RBPJ: variants seen among roughly 807,000 people sequenced by gnomAD.
RBPJ encodes recombination signal binding protein for immunoglobulin kappa J region.
Under a neutral mutation model 67.8 loss-of-function variants are expected in RBPJ, and 9 were observed. That is an observed-to-expected ratio of 0.13 (90% confidence interval 0.08 to 0.23). The LOEUF (loss-of-function observed/expected upper bound fraction) is 0.23, where lower values mean the gene tolerates loss of function less well. RBPJ is among the 10% of genes least tolerant of loss of function. The pLI, the probability that RBPJ is intolerant of heterozygous loss-of-function variation, is 1.00. For missense variants in RBPJ, 305 were observed against 595.6 expected (o/e 0.51, Z 5.08); for synonymous variants, 198 against 203.3 (o/e 0.97, Z 0.22).
intron 1 of RBPJ, among the ~76,000 whole-genome samples, chr4:26,210,715 CCTT>C (rs1718368233): frequency 1.1e-5 from 1 of 93,242 alleles, no homozygotes; most frequent in African/African-American, 4.1e-5. Context: ...TTCCTTCTTT[CCTT>C]CTTTCTTTCC....
chr4:26,239,815 G>T (rs1174436972), intron 1 of RBPJ, among the ~76,000 whole-genome samples: 1 of 152,124 alleles, frequency 6.6e-6, no homozygotes, highest in Non-Finnish European at 1.5e-5. Context: ...AAGTCCCCTT[G>T]TTTCAGTGAT....
intron 1 of RBPJ, among the ~76,000 whole-genome samples, chr4:26,216,963 T>C (rs1171589814): frequency 5.9e-5 from 9 of 151,974 alleles, no homozygotes; most frequent in South Asian, 2.1e-4. Flanking sequence ...AGGTGTGTCT[T>C]TGAAAAAAAT....
chr4:26,315,725 T>C (rs1347089638), upstream of RBPJ, among the ~76,000 whole-genome samples: 2 of 152,040 alleles, frequency 1.3e-5, no homozygotes, highest in Non-Finnish European at 2.9e-5. Context: ...GACCAGGGCA[T>C]ATTTGAGTCC....
intron 1 of RBPJ, among the ~76,000 whole-genome samples, chr4:26,291,072 T>C (rs1721651561): frequency 6.6e-6 from 1 of 150,936 alleles, no homozygotes; most frequent in African/African-American, 2.4e-5. Context: ...CTATAATACC[T>C]GCTTCAGAAG....
chr4:26,286,552 CAT>C (rs1452032265), intron 1 of RBPJ, among the ~76,000 whole-genome samples: 1 of 150,504 alleles, frequency 6.6e-6, no homozygotes, highest in Non-Finnish European at 1.5e-5. Context: ...TTGAATCTCA[CAT>C]GTGATCTCTC....
At chr4:26,319,612 C>G (rs1480213998), upstream of RBPJ, 1 of 579,080 alleles carries the variant, frequency 1.7e-6, no homozygotes, top group African/African-American at 1.9e-5. Context: ...GGGGCACGTT[C>G]TCGCGAGGTT....
chr4:26,392,595 T>C (rs780081178), intron 2 of RBPJ, among the ~76,000 whole-genome samples: 3 of 152,182 alleles, frequency 2.0e-5, no homozygotes, highest in Non-Finnish European at 2.9e-5. Context: ...TCCACTTACA[T>C]AGAATTATAA....
chr4:26,397,375 T>C (rs1489307095), intron 2 of RBPJ, among the ~76,000 whole-genome samples: 1 of 152,204 alleles, frequency 6.6e-6, no homozygotes. Flanking sequence ...AGCTGAGCTT[T>C]CTGAACCCTC....
At chr4:26,171,307 A>G (rs908759667) in intron 1 of RBPJ, among the ~76,000 whole-genome samples, 3 of 152,108 alleles carry the variant, frequency 2.0e-5, no homozygotes, top group Non-Finnish European at 2.9e-5. Context: ...ATGTCACTGT[A>G]CAGTATACAA....
At chr4:26,428,909 T>G in intron 8 of RBPJ, 49 bp downstream of exon 8, 1 of 1,448,654 alleles carries the variant, frequency 6.9e-7, no homozygotes, top group Non-Finnish European at 9.6e-7. Flanking sequence ...AACTGTGAGG[T>G]TAGCAGCTTG....
upstream of RBPJ, among the ~76,000 whole-genome samples, chr4:26,161,512 A>C (rs1478675771): frequency 6.6e-6 from 1 of 152,224 alleles, no homozygotes; most frequent in Non-Finnish European, 1.5e-5. Flanking sequence ...CAAAGATCCC[A>C]CTGGGTCTGC....
At chr4:26,337,045 TC>T (rs1724915813) in intron 1 of RBPJ, among the ~76,000 whole-genome samples, 1 of 152,040 alleles carries the variant, frequency 6.6e-6, no homozygotes, top group Non-Finnish European at 1.5e-5. Context: ...CACTGCATCC[TC>T]CGTCTCCCGG....
rs558064085 is a variant in RBPJ at position 26,268,455 on chromosome 4, G to A, written c.-166-93991G>A. 2.0e-5 allele frequency among the ~76,000 whole-genome samples: 3 copies of A among 152,026 alleles called. No individual in the cohort carries two copies. The East Asian group carries it at 5.8e-4, about 29-fold the overall frequency. On this transcript the variant is annotated intron_variant, in intron 1 of 4. Transcript: ENST00000512351. ...CTCTTTGGTCTCTTTTCAGGCTTTG[G>A]GCTTTTTCTTCAGGCCCAACCCTTA...
upstream of RBPJ, chr4:26,319,926 C>T: frequency 6.4e-7 from 1 of 1,569,860 alleles, no homozygotes; most frequent in Non-Finnish European, 8.7e-7. Flanking sequence ...CTTCACCCTG[C>T]TGTTCCATGC....
At chr4:26,118,808 A>G in the RBPJ span, among the ~76,000 whole-genome samples, 1 of 152,362 alleles carries the variant, frequency 6.6e-6, no homozygotes, top group South Asian at 2.1e-4. Context: ...AGAAAAAGGT[A>G]TTCTTTTGAC....
At chr4:26,297,581 C>T (rs115465874) in intron 1 of RBPJ, among the ~76,000 whole-genome samples, 3,662 of 151,884 alleles carry the variant, frequency 0.024, 105 homozygotes, top group African/African-American at 0.069. Context: ...GTCCAAGTGG[C>T]GACTGGCTAA....
At position 26,341,648 on chromosome 4, in the gene RBPJ, C is replaced by T. The variant is rs142658332; in HGVS notation, c.20+20600C>T. Among the ~76,000 whole-genome samples, 538 of 151,248 alleles carry T rather than the reference C, an allele frequency of 3.6e-3. 2 individuals carry two copies. The highest frequency in any genetic ancestry group is 0.012 in the African/African-American group (493 of 41,294). On this transcript the variant is annotated intron_variant, in intron 1 of 10. Coordinates refer to ENST00000355476, the MANE Select transcript of RBPJ (RefSeq NM_015874.6). ...CAAAACAAAACAAAAAAAAACCAAA[C>T]GAAAACAAAACCAAACAAAACTGAC...
intron 1 of RBPJ, among the ~76,000 whole-genome samples, chr4:26,305,269 C>T (rs1722196967): frequency 6.6e-6 from 1 of 152,186 alleles, no homozygotes; most frequent in Non-Finnish European, 1.5e-5. Context: ...GCGGAAATAT[C>T]AGTCCTCCAA....
chr4:26,156,193 A>G, the RBPJ span, among the ~76,000 whole-genome samples: 1 of 152,216 alleles, frequency 6.6e-6, no homozygotes, highest in Non-Finnish European at 1.5e-5. Flanking sequence ...TAAGTATTCA[A>G]TAAATGATTA....
Sources: gnomAD v4.1 joint callset for allele counts (sites outside exome capture counted in the v4.1 genomes callset) on GRCh38, gnomAD v4.1.1 for gene constraint, MANE v1.5 for transcripts, NCBI Gene and HGNC (gene_info 2026-07-23, HGNC 2026-07-21) for gene names.